ZFPM2: variants seen among roughly 807,000 people sequenced by gnomAD.
ZFPM2 encodes the protein zinc finger protein, FOG family member 2, also known as zinc finger protein ZFPM2.
In ZFPM2, 20 loss-of-function variants were observed where a neutral mutation model predicts 98.6. The ratio of observed to expected loss-of-function variants is 0.20; its 90% CI spans 0.14 to 0.29. The LOEUF is 0.29. Ranked by LOEUF, ZFPM2 falls within the 10% of genes least tolerant of loss-of-function variation. ZFPM2 has a pLI of 1.00. For missense variants in ZFPM2, 1,310 were observed against 1,388.6 expected, an observed-to-expected ratio of 0.94 and a Z score of 0.90; for synonymous variants, 518 against 502.7, an observed-to-expected ratio of 1.03 and a Z score of -0.41.
intron 4 of ZFPM2, among the ~76,000 whole-genome samples, 182 bp downstream of exon 4, chr8:105,561,663 C>A (rs1002090645): frequency 6.6e-6 from 1 of 152,040 alleles, no homozygotes; most frequent in South Asian, 2.1e-4. Context: ...CAGTAATATA[C>A]GCAGAATTTA....
intron 3 of ZFPM2, among the ~76,000 whole-genome samples, chr8:105,527,226 A>G (rs1218262611): frequency 6.6e-6 from 1 of 152,160 alleles, no homozygotes; most frequent in African/African-American, 2.4e-5. Context: ...TTTTGAAAGT[A>G]TATTCTCCAC....
chr8:105,589,249 CTGTCAGAA>C (rs1815792359), intron 4 of ZFPM2, among the ~76,000 whole-genome samples: 1 of 152,176 alleles, frequency 6.6e-6, no homozygotes, highest in Admixed American at 6.5e-5. Flanking sequence ...GTTTGGATGA[CTGTCAGAA>C]ATAGTGTATT....
At chr8:105,612,913 T>G (rs1207912173) in intron 4 of ZFPM2, among the ~76,000 whole-genome samples, 1 of 152,180 alleles carries the variant, frequency 6.6e-6, no homozygotes, top group Non-Finnish European at 1.5e-5. Flanking sequence ...TTTTCCTGGC[T>G]TCTAATTCGT....
At chr8:105,610,074 G>A (rs1375306860) in intron 4 of ZFPM2, among the ~76,000 whole-genome samples, 1 of 152,046 alleles carries the variant, frequency 6.6e-6, no homozygotes, top group Non-Finnish European at 1.5e-5. Flanking sequence ...TCTTGAGGGG[G>A]AAAAAGGAGA....
In ZFPM2 at chr8:105,698,057, G is replaced by T. The variant is rs543458555; in HGVS notation, c.532+63700G>T. Among the ~76,000 whole-genome samples the T allele has an allele frequency of 2.6e-5, 4 of 152,232 alleles. No homozygotes were observed. In the South Asian group the frequency reaches 8.3e-4, roughly 32 times the overall value. On this transcript the variant is annotated intron_variant, in intron 5 of 7. Coordinates refer to ENST00000407775, the MANE Select transcript of ZFPM2 (RefSeq NM_012082.4). ...TCCTAAAATATATGTATTTTCCCTT[G>T]TATTTCTCTCATGTCTTTCACAATG...
chr8:105,517,709 A>ACACACACACCACACACACACACAC, intron 3 of ZFPM2, among the ~76,000 whole-genome samples: 1 of 42,878 alleles, frequency 2.3e-5, no homozygotes, highest in South Asian at 9.8e-4. Flanking sequence ...CACACACACC[A>ACACACACACCACACACACACACAC]CACACACACA....
At chr8:105,497,754 T>C (rs968423147) in intron 3 of ZFPM2, among the ~76,000 whole-genome samples, 2 of 152,132 alleles carry the variant, frequency 1.3e-5, no homozygotes, top group South Asian at 4.1e-4. Context: ...TAGGCGGTAG[T>C]GAGAAGAACT....
chr8:105,395,058 G>A (rs530319451), intron 1 of ZFPM2, among the ~76,000 whole-genome samples: 179 of 152,244 alleles, frequency 1.2e-3, no homozygotes, highest in Non-Finnish European at 2.1e-3. Flanking sequence ...TCTTTAGTTT[G>A]TTTCTACTGG....
chr8:105,499,505 G>C (rs1284617214), intron 3 of ZFPM2, among the ~76,000 whole-genome samples: 4 of 152,194 alleles, frequency 2.6e-5, no homozygotes, highest in Non-Finnish European at 4.4e-5. Flanking sequence ...ATTTCAGGCA[G>C]TGAGTGTAAT....
At chr8:105,592,933 G>T (rs1815881954) in intron 4 of ZFPM2, among the ~76,000 whole-genome samples, 1 of 152,034 alleles carries the variant, frequency 6.6e-6, no homozygotes, top group Non-Finnish European at 1.5e-5. Context: ...TTTATGACAG[G>T]GCTGCAGCCA....
chr8:105,462,827 C>T (rs1334052318), intron 3 of ZFPM2, among the ~76,000 whole-genome samples: 1 of 151,948 alleles, frequency 6.6e-6, no homozygotes, highest in East Asian at 1.9e-4. Context: ...AAAGAAATAG[C>T]GAATCCGTTT....
chr8:105,601,392 C>T (rs1158971384), intron 4 of ZFPM2, among the ~76,000 whole-genome samples: 1 of 151,960 alleles, frequency 6.6e-6, no homozygotes, highest in Non-Finnish European at 1.5e-5. Flanking sequence ...GGTCTTGTTC[C>T]CTAATTAACT....
At chr8:105,416,755 A>G (rs1013658016) in intron 1 of ZFPM2, among the ~76,000 whole-genome samples, 6 of 152,092 alleles carry the variant, frequency 3.9e-5, no homozygotes, top group East Asian at 1.9e-4. Context: ...TGATAAGTCT[A>G]TAAGACTATC....
At chr8:105,664,181 C>T (rs1441740875) in intron 5 of ZFPM2, among the ~76,000 whole-genome samples, 3 of 152,098 alleles carry the variant, frequency 2.0e-5, no homozygotes, top group Non-Finnish European at 4.4e-5. Context: ...CATTACAATT[C>T]ATTGGTCTCT....
intron 3 of ZFPM2, among the ~76,000 whole-genome samples, chr8:105,477,237 C>CTTTTTTTTTTT (rs397891589): frequency 1.3e-5 from 1 of 74,474 alleles, no homozygotes; most frequent in Admixed American, 1.9e-4. Flanking sequence ...TGCTAGCAAT[C>CTTTTTTTTTTT]TTTTTTTTTT....
intron 3 of ZFPM2, among the ~76,000 whole-genome samples, chr8:105,496,001 A>G (rs1813459196): frequency 6.6e-6 from 1 of 152,230 alleles, no homozygotes; most frequent in African/African-American, 2.4e-5. Context: ...TAGCCATATT[A>G]GGATTACAAA....
intron 4 of ZFPM2, among the ~76,000 whole-genome samples, chr8:105,605,395 C>T (rs991546499): frequency 6.6e-6 from 1 of 151,976 alleles, no homozygotes; most frequent in Non-Finnish European, 1.5e-5. Context: ...ATTAATATGA[C>T]TTATATCTGA....
At position 105,642,704 on chromosome 8, in the gene ZFPM2, T is replaced by G. The variant is rs546837215; in HGVS notation, c.532+8347T>G. ...GCCCAGGTGTCATGAGGAGTACAAA[T>G]GAATATGAGACACCCCCCAGCTTAA... On this transcript the variant is annotated intron_variant, in intron 5 of 7. Transcript: ENST00000407775. Among the ~76,000 whole-genome samples the G allele has an allele frequency of 3.2e-4, 49 of 152,232 alleles. 1 individual carries two copies. In the South Asian group the frequency reaches 8.3e-3, roughly 26 times the overall value.
chr8:105,631,895 G>A (rs1023091973), intron 4 of ZFPM2, among the ~76,000 whole-genome samples: 6 of 151,928 alleles, frequency 3.9e-5, no homozygotes, highest in East Asian at 1.9e-4. Flanking sequence ...TTACTGTGTC[G>A]AAATTCATAG....
Sources: allele counts gnomAD v4.1 joint callset (sites outside exome capture counted in the v4.1 genomes callset), GRCh38; gene constraint gnomAD v4.1.1; transcripts MANE v1.5; gene names NCBI Gene and HGNC (gene_info 2026-07-23, HGNC 2026-07-21).